TBX19: variants seen among roughly 807,000 people sequenced by gnomAD.
TBX19 encodes T-box transcription factor TBX19.
TBX19 carries 33 observed loss-of-function variants against 40.9 expected under a neutral mutation model. That is an observed-to-expected ratio of 0.81 (90% CI 0.61 to 1.08). TBX19 has a LOEUF of 1.08. Ranked by LOEUF, TBX19 falls within the 50% of genes least tolerant of loss-of-function variation. The pLI is 0.00. For synonymous variants in TBX19, 220 were observed against 225.0 expected (o/e 0.98, Z 0.20); for missense variants, 494 against 574.0 (o/e 0.86, Z 1.42).
At chr1:168,281,882 T>A (rs1290253634) in intron 1 of TBX19, among the ~76,000 whole-genome samples, 2 of 152,104 alleles carry the variant, frequency 1.3e-5, no homozygotes, top group Non-Finnish European at 2.9e-5. Flanking sequence ...GATGAAAACA[T>A]ATTATTCTGC....
chr1:168,298,053 G>A (rs1186498879), intron 4 of TBX19, among the ~76,000 whole-genome samples: 1 of 152,114 alleles, frequency 6.6e-6, no homozygotes, highest in Non-Finnish European at 1.5e-5. Context: ...AAAATTAGCC[G>A]GGTGTGGTGG....
At chr1:168,295,223 G>A (rs1215806233) in intron 3 of TBX19, among the ~76,000 whole-genome samples, 3 of 151,972 alleles carry the variant, frequency 2.0e-5, no homozygotes, top group Non-Finnish European at 4.4e-5. Flanking sequence ...CCTGGGAGGC[G>A]GAGGTTGCAG....
At chr1:168,304,254 G>A (rs547659220) in intron 5 of TBX19, among the ~76,000 whole-genome samples, 1 of 152,172 alleles carries the variant, frequency 6.6e-6, no homozygotes, top group Admixed American at 6.5e-5. Flanking sequence ...CTTTTTCAGA[G>A]GCAATTTCAG....
intron 1 of TBX19, among the ~76,000 whole-genome samples, chr1:168,283,068 A>C (rs572817647): frequency 1.3e-5 from 2 of 152,304 alleles, no homozygotes; most frequent in Admixed American, 1.3e-4. Flanking sequence ...ACATCAGCCC[A>C]GTGTGGTGGT....
At chr1:168,307,914 T>C (rs1463018070) in intron 6 of TBX19, 2 of 152,144 alleles carry the variant, frequency 1.3e-5, no homozygotes, top group Non-Finnish European at 2.9e-5. Flanking sequence ...CAGTACACAG[T>C]ACAATATTAT....
rs745825025 is a variant in TBX19 at position 168,291,428 on chromosome 1, C to T, written c.468+4C>T. 9 of 1,613,988 alleles carry T rather than the reference C, an allele frequency of 5.6e-6. No homozygotes were observed. Among genetic ancestry groups the T allele is most frequent in the Middle Eastern group, 1.6e-4 (1 of 6,080 alleles). On this transcript the variant is annotated splice_donor_region_variant and intron_variant, in intron 2 of 7. Coordinates refer to ENST00000367821, the MANE Select transcript of TBX19 (RefSeq NM_005149.3). ...CAAGCTCAATGGAGGCGGGCAGGTA[C>T]GAATGAGGCGGGCAGGCCTGGCCAC...
At chr1:168,305,241 G>A (rs777844221) in intron 6 of TBX19, 45 bp downstream of exon 6, 1 of 1,593,354 alleles carries the variant, frequency 6.3e-7, no homozygotes. Flanking sequence ...GGGCTGGGGT[G>A]GGGGCAGTCA....
intron 1 of TBX19, among the ~76,000 whole-genome samples, chr1:168,282,591 A>T (rs1250006912): frequency 6.6e-6 from 1 of 152,170 alleles, no homozygotes; most frequent in Non-Finnish European, 1.5e-5. Flanking sequence ...CCTTCTCTTG[A>T]CCTGTATTTA....
At chr1:168,310,686 AAT>A (rs1649498303) in intron 7 of TBX19, among the ~76,000 whole-genome samples, 1 of 147,356 alleles carries the variant, frequency 6.8e-6, no homozygotes, top group Non-Finnish European at 1.5e-5. Context: ...AAAAATATAA[AAT>A]ATATATACCA....
chr1:168,282,651 A>G (rs892299070), intron 1 of TBX19, among the ~76,000 whole-genome samples: 2 of 152,216 alleles, frequency 1.3e-5, no homozygotes, highest in Non-Finnish European at 2.9e-5. Flanking sequence ...ACATAGTTTT[A>G]ATTTCACAGA....
intron 5 of TBX19, among the ~76,000 whole-genome samples, chr1:168,302,444 C>G (rs113843000): frequency 6.6e-6 from 1 of 152,178 alleles, no homozygotes; most frequent in African/African-American, 2.4e-5. Flanking sequence ...AGGAACAGCT[C>G]TGTTTCTATC....
At chr1:168,285,270 C>G (rs997917158) in intron 1 of TBX19, among the ~76,000 whole-genome samples, 9 of 109,498 alleles carry the variant, frequency 8.2e-5, no homozygotes, top group Middle Eastern at 4.5e-3. Flanking sequence ...GTCACACACA[C>G]ACACACACAC....
chr1:168,303,138 C>A (rs1278372329), intron 5 of TBX19, among the ~76,000 whole-genome samples: 3 of 151,952 alleles, frequency 2.0e-5, no homozygotes. Context: ...GTGTGCTGTA[C>A]CCATTAACTC....
At chr1:168,290,975 A>G (rs1648923088) in intron 1 of TBX19, among the ~76,000 whole-genome samples, 185 bp from the exon 2 acceptor site, 1 of 151,962 alleles carries the variant, frequency 6.6e-6, no homozygotes, top group African/African-American at 2.4e-5. Flanking sequence ...TTAAAGTGAA[A>G]CCCTAGTATT....
chr1:168,301,735 A>G (rs891525407), intron 5 of TBX19, among the ~76,000 whole-genome samples: 5 of 152,214 alleles, frequency 3.3e-5, no homozygotes, highest in African/African-American at 1.2e-4. Context: ...TTTTAAAGGG[A>G]AAAATAAGAG....
At chr1:168,298,059 G>A (rs538670121) in intron 4 of TBX19, among the ~76,000 whole-genome samples, 15 of 152,288 alleles carry the variant, frequency 9.8e-5, no homozygotes, top group African/African-American at 2.6e-4. Context: ...AGCCGGGTGT[G>A]GTGGCGGGCG....
At chr1:168,294,586 C>G (rs1649054415) in intron 3 of TBX19, among the ~76,000 whole-genome samples, 1 of 152,128 alleles carries the variant, frequency 6.6e-6, no homozygotes, top group South Asian at 2.1e-4. Context: ...ACTGCAACCT[C>G]TGCCTCTGAG....
chr1:168,294,290 G>A (rs1031149179), intron 3 of TBX19, among the ~76,000 whole-genome samples: 3 of 151,246 alleles, frequency 2.0e-5, no homozygotes, highest in Admixed American at 6.6e-5. Flanking sequence ...ACTATTTCAC[G>A]TAATCAGCCC....
chr1:168,295,633 G>C (rs1382821374), intron 3 of TBX19, among the ~76,000 whole-genome samples: 1 of 152,232 alleles, frequency 6.6e-6, no homozygotes, highest in Non-Finnish European at 1.5e-5. Context: ...TCCCTCAGCT[G>C]GTGGCCAGTC....
Sources: gnomAD v4.1 joint callset for allele counts (sites outside exome capture counted in the v4.1 genomes callset) on GRCh38, gnomAD v4.1.1 for gene constraint, MANE v1.5 for transcripts, NCBI Gene and HGNC (gene_info 2026-07-23, HGNC 2026-07-21) for gene names.